PITPNC1: variants seen among roughly 807,000 people sequenced by gnomAD.
The protein encoded by PITPNC1 is phosphatidylinositol transfer protein cytoplasmic 1.
A neutral mutation model predicts 44.7 loss-of-function variants in PITPNC1; 18 were observed. That is an observed-to-expected ratio of 0.40 (90% CI 0.28 to 0.60). The LOEUF (loss-of-function observed/expected upper bound fraction) is 0.60, where lower values mean the gene tolerates loss of function less well. Among genes scored for constraint, PITPNC1 ranks in the 20% least tolerant of loss-of-function variants. PITPNC1 has a pLI of 0.39. For synonymous variants in PITPNC1, 141 were observed against 149.6 expected, an observed-to-expected ratio of 0.94 and a Z score of 0.42; for missense variants, 290 against 418.4, an observed-to-expected ratio of 0.69 and a Z score of 2.68.
chr17:67,589,807 A>G (rs1323608607), intron 5 of PITPNC1, among the ~76,000 whole-genome samples: 1 of 152,090 alleles, frequency 6.6e-6, no homozygotes, highest in African/African-American at 2.4e-5. Context: ...ATCTCTACTA[A>G]AAATATAAAA....
intron 1 of PITPNC1, among the ~76,000 whole-genome samples, chr17:67,398,622 C>T (rs913116983): frequency 1.3e-5 from 2 of 151,998 alleles, no homozygotes; most frequent in African/African-American, 4.8e-5. Flanking sequence ...GTAATGGTTT[C>T]CCCAGGATTC....
chr17:67,624,303 C>T (rs117558893), intron 5 of PITPNC1, among the ~76,000 whole-genome samples: 4,541 of 150,806 alleles, frequency 0.03, 96 homozygotes, highest in Middle Eastern at 0.082. Flanking sequence ...CCTCCACTGC[C>T]TAGGCTCAAG....
chr17:67,425,709 T>A (rs1283164324), intron 1 of PITPNC1, among the ~76,000 whole-genome samples: 1 of 151,228 alleles, frequency 6.6e-6, no homozygotes, highest in Non-Finnish European at 1.5e-5. Flanking sequence ...ATTTTTTTTT[T>A]AAAGAGATGG....
In PITPNC1 at chr17:67,522,659, C is replaced by CTTTTTTTTTTTTTTTTTTTTTTTT. The variant is rs773797594; in HGVS notation, c.49-10129_49-10128insTTTTTTTTTTTTTTTTTTTTTTTT. On this transcript the variant is annotated intron_variant, in intron 1 of 8. Transcript: ENST00000581322. ...ATATCATAAAATTTACCATTTTAAT[C>CTTTTTTTTTTTTTTTTTTTTTTTT]TTTTTTTTTTTTTTGGAAAATGAGG... 3.0e-3 allele frequency among the ~76,000 whole-genome samples: 347 copies of CTTTTTTTTTTTTTTTTTTTTTTTT among 117,190 alleles called. 62 individuals carry two copies. The highest frequency in any genetic ancestry group is 0.014 in the African/African-American group (313 of 22,798). The allele number at this position is 117,190 out of a possible 152,430, so 76.9% of individuals were successfully genotyped here. A position where few individuals can be genotyped will look rare whatever the true frequency, so the allele number is the denominator to read the frequency against.
At chr17:67,385,512 G>A (rs536520503) in intron 1 of PITPNC1, among the ~76,000 whole-genome samples, 55 of 147,926 alleles carry the variant, frequency 3.7e-4, no homozygotes, top group African/African-American at 1.3e-3. Flanking sequence ...GCACCTTCCA[G>A]GCTGTGGAAG....
intron 1 of PITPNC1, among the ~76,000 whole-genome samples, chr17:67,453,350 A>G (rs1275102945): frequency 6.6e-6 from 1 of 152,080 alleles, no homozygotes; most frequent in Non-Finnish European, 1.5e-5. Context: ...CCTTGGTGAG[A>G]GGTAATGGAG....
intron 5 of PITPNC1, among the ~76,000 whole-genome samples, chr17:67,631,485 C>T (rs1217939272): frequency 5.1e-5 from 7 of 138,032 alleles, no homozygotes; most frequent in Non-Finnish European, 7.8e-5. Flanking sequence ...AAAAATTAGC[C>T]GGGCGTGGTG....
chr17:67,640,167 C>T (rs1457809963), intron 6 of PITPNC1, among the ~76,000 whole-genome samples: 5 of 151,946 alleles, frequency 3.3e-5, no homozygotes, highest in Admixed American at 6.6e-5. Context: ...CTTACTGGGG[C>T]CTGCATGCTT....
Position 67,465,431 on chromosome 17 carries a change from A to G in PITPNC1, c.49-67371A>G, listed in dbSNP as rs117242138. Among the ~76,000 whole-genome samples, 859 of 152,344 alleles carry G rather than the reference A, an allele frequency of 5.6e-3. 2 individuals are homozygous for G. Among genetic ancestry groups the G allele is most frequent in the Non-Finnish European group, 9.1e-3 (616 of 68,040 alleles). On this transcript the variant is annotated intron_variant, in intron 1 of 8. Transcript: ENST00000581322. Reference sequence around the variant, plus strand: ...GTGGAATCCCATAAGCAGCTGCTTGAAAAAGACTTGGTGGCAGACATAACT... The same window carrying G: ...GTGGAATCCCATAAGCAGCTGCTTGGAAAAGACTTGGTGGCAGACATAACT...
chr17:67,402,682 T>G (rs960118511), intron 1 of PITPNC1, among the ~76,000 whole-genome samples: 1 of 152,226 alleles, frequency 6.6e-6, no homozygotes, highest in African/African-American at 2.4e-5. Context: ...TTGTTTGTTT[T>G]TTGAGTTGGA....
intron 8 of PITPNC1, 110 bp downstream of exon 8, chr17:67,675,652 G>A (rs565238847): frequency 1.1e-5 from 8 of 742,738 alleles, no homozygotes; most frequent in Middle Eastern, 2.4e-4. Flanking sequence ...AGGCAAGGCC[G>A]CTGCTTCCTG....
At position 67,430,315 on chromosome 17, in the gene PITPNC1, G is replaced by A. The variant is rs758765217; in HGVS notation, c.48+52113G>A. On this transcript the variant is annotated intron_variant, in intron 1 of 8. Transcript: ENST00000581322. ...GAGGTCAGGAGTTCAAGACCAGCCT[G>A]GCCAACGTGGTGAATCCCTGTCTCT... 2.0e-4 allele frequency among the ~76,000 whole-genome samples: 30 copies of A among 151,634 alleles called. 1 individual carries two copies. Among genetic ancestry groups the A allele is most frequent in the Admixed American group, 3.3e-4 (5 of 15,212 alleles).
At chr17:67,629,436 T>C (rs932987466) in intron 5 of PITPNC1, among the ~76,000 whole-genome samples, 5 of 152,076 alleles carry the variant, frequency 3.3e-5, no homozygotes, top group Admixed American at 3.3e-4. Context: ...ACATGCCCAG[T>C]AGGGACGGGG....
At chr17:67,411,983 A>G (rs146902967) in intron 1 of PITPNC1, among the ~76,000 whole-genome samples, 1 of 152,220 alleles carries the variant, frequency 6.6e-6, no homozygotes, top group East Asian at 1.9e-4. Flanking sequence ...TCTTCTGGAA[A>G]AAGCATGGTT....
chr17:67,484,009 C>A (rs1239139678), intron 1 of PITPNC1, among the ~76,000 whole-genome samples: 1 of 151,430 alleles, frequency 6.6e-6, no homozygotes, highest in African/African-American at 2.4e-5. Flanking sequence ...ACCTCCACCT[C>A]CCAGGTTCAA....
chr17:67,440,739 G>T (rs1270378557), intron 1 of PITPNC1, among the ~76,000 whole-genome samples: 1 of 151,430 alleles, frequency 6.6e-6, no homozygotes, highest in Non-Finnish European at 1.5e-5. Context: ...AGGGATAGGG[G>T]TCTTGCCATG....
chr17:67,512,449 C>T (rs531202751), intron 1 of PITPNC1, among the ~76,000 whole-genome samples: 76 of 142,442 alleles, frequency 5.3e-4, no homozygotes, highest in African/African-American at 1.9e-3. Context: ...TGCAGTGAGC[C>T]GAGATCGTGC....
At chr17:67,446,216 A>T (rs1025126053) in intron 1 of PITPNC1, among the ~76,000 whole-genome samples, 1 of 151,888 alleles carries the variant, frequency 6.6e-6, no homozygotes, top group Non-Finnish European at 1.5e-5. Context: ...AAGTGCTAGG[A>T]TTACAGGCGT....
intron 1 of PITPNC1, 45 bp from the exon 2 acceptor site, chr17:67,532,757 G>T (rs750844171): frequency 3.4e-6 from 5 of 1,492,218 alleles, no homozygotes; most frequent in Non-Finnish European, 4.5e-6. Flanking sequence ...GATGTCAGGG[G>T]CACGCTGTGG....
Sources: gnomAD v4.1 joint callset for allele counts (sites outside exome capture counted in the v4.1 genomes callset) on GRCh38, gnomAD v4.1.1 for gene constraint, MANE v1.5 for transcripts, NCBI Gene and HGNC (gene_info 2026-07-23, HGNC 2026-07-21) for gene names.